The following CHD2 variants were observed in gnomAD, a reference collection of about 807,000 sequenced individuals.
The protein encoded by CHD2 is ATP-dependent chromatin remodeler CHD2.
Under a neutral mutation model 243.9 loss-of-function variants are expected in CHD2, and 28 were observed. The observed-to-expected ratio is 0.11, with a 90% CI of 0.09 to 0.16. CHD2 has a LOEUF of 0.16. CHD2 is among the 10% of genes least tolerant of loss of function. The pLI is 1.00. For missense variants in CHD2, 1,386 were observed against 2,209.8 expected, an observed-to-expected ratio of 0.63 and a Z score of 7.47; for synonymous variants, 775 against 779.0, an observed-to-expected ratio of 0.99 and a Z score of 0.09.
intron 35 of CHD2, among the ~76,000 whole-genome samples, chr15:93,011,945 C>T (rs1351743382): frequency 6.6e-6 from 1 of 152,096 alleles, no homozygotes; most frequent in Non-Finnish European, 1.5e-5. Flanking sequence ...GGACTGGAGT[C>T]TGGGGTGTCA....
In CHD2 at chr15:93,004,751, A is replaced by G; in HGVS notation, c.4413A>G (p.Ile1471Met). Residue 1471 changes from isoleucine (I) to methionine (M), a missense_variant and splice_region_variant, in exon 34 of 39, where the codon ATA (isoleucine) becomes ATG (methionine). Physicochemically the swap from Ile to Met is conservative, Grantham distance 10 (BLOSUM62 1). Coordinates refer to ENST00000394196, the MANE Select transcript of CHD2 (RefSeq NM_001271.4). ...ATCTGGACCAGGAGACATTCAGCAT[A>G]GTAAGTCTTGAAATCGGGGGGTGCC... ...DDDLDQETFS[I>M]CKERMRPVKK... The G allele has an allele frequency of 6.2e-7, 1 of 1,610,702 alleles. No homozygotes were observed. Among genetic ancestry groups the G allele is most frequent in the Non-Finnish European group, 8.5e-7 (1 of 1,178,162 alleles).
chr15:93,013,127 G>A (rs1330506500), intron 36 of CHD2, among the ~76,000 whole-genome samples: 1 of 152,238 alleles, frequency 6.6e-6, no homozygotes, highest in Non-Finnish European at 1.5e-5. Context: ...GAATGGTGCT[G>A]GGGACAGGGA....
chr15:92,934,652 G>A (rs960092727), intron 5 of CHD2, among the ~76,000 whole-genome samples: 2 of 152,182 alleles, frequency 1.3e-5, no homozygotes, highest in African/African-American at 2.4e-5. Flanking sequence ...GTAGGGTTGG[G>A]AAGTAATTTC....
At position 92,953,378 on chromosome 15, in the gene CHD2, T is replaced by G. The variant is rs748660499; in HGVS notation, c.1524T>G (p.Ala508=). ...GCAGAAATAATAGTGTAATCCTTGC[T>G]GATGAAATGGGCCTAGGAAAGACCA... The part of the protein sequence containing the change: ...SWCKNNSVIL[A]DEMGLGKTIQ... Residue 508 remains alanine (A), a synonymous_variant, in exon 14 of 39, where the codon GCT becomes GCG. Coordinates refer to ENST00000394196, the MANE Select transcript of CHD2 (RefSeq NM_001271.4). 2.5e-6 allele frequency: 4 copies of G among 1,614,168 alleles called. No homozygotes were observed. The highest frequency in any genetic ancestry group is 2.2e-5 in the South Asian group (2 of 91,082).
At chr15:92,948,667 AC>A (rs1224499910) in intron 12 of CHD2, among the ~76,000 whole-genome samples, 3 of 152,080 alleles carry the variant, frequency 2.0e-5, no homozygotes, top group Non-Finnish European at 4.4e-5. Flanking sequence ...CCCCATCTCT[AC>A]TAAAAATACA....
At chr15:92,940,497 T>A (rs2141780065) in intron 7 of CHD2, among the ~76,000 whole-genome samples, 1 of 152,002 alleles carries the variant, frequency 6.6e-6, no homozygotes, top group East Asian at 1.9e-4. Flanking sequence ...CAAACACTAG[T>A]AGTTTACTTT....
At chr15:92,932,237 T>A (rs2053182269) in intron 5 of CHD2, among the ~76,000 whole-genome samples, 1 of 151,962 alleles carries the variant, frequency 6.6e-6, no homozygotes, top group South Asian at 2.1e-4. Context: ...TATTTTTCCA[T>A]CTCTACTACA....
chr15:92,940,829 T>C (rs1265287431), intron 7 of CHD2, among the ~76,000 whole-genome samples: 1 of 139,108 alleles, frequency 7.2e-6, no homozygotes, highest in Non-Finnish European at 1.5e-5. Flanking sequence ...ATAAATATTA[T>C]AAATATATAA....
At chr15:93,004,778 G>A (rs748166419) in intron 34 of CHD2, 27 bp downstream of exon 34, 1 of 1,605,718 alleles carries the variant, frequency 6.2e-7, no homozygotes, top group African/African-American at 1.3e-5. Context: ...GGGGGTGCCA[G>A]TGTCTGCAGC....
chr15:93,027,769 C>G lies in CHD2; in HGVS notation c.*3064C>G, dbSNP rs559846908. ...TCCAGGCTGCTTTAGGCCATCTGTGCCCCACTCATCTGGGGACAGATGGTT... is the reference window on the plus strand; with the variant it reads ...TCCAGGCTGCTTTAGGCCATCTGTGGCCCACTCATCTGGGGACAGATGGTT... On this transcript the variant is annotated 3_prime_UTR_variant, in exon 39 of 39. Transcript: ENST00000394196. The G allele has an allele frequency of 6.6e-6, 1 of 152,620 alleles. No individual in the cohort carries two copies. The highest frequency in any genetic ancestry group is 1.9e-4 in the East Asian group (1 of 5,194). The allele number at this position is 152,620 out of a possible 1,614,324, so 9.5% of individuals were successfully genotyped here.
chr15:92,999,083 C>CAAAAAAAAAAAAAAAAA (rs55738843), intron 31 of CHD2, among the ~76,000 whole-genome samples: 5 of 65,528 alleles, frequency 7.6e-5, no homozygotes, highest in Admixed American at 2.1e-4. Context: ...GACTCCGTCT[C>CAAAAAAAAAAAAAAAAA]AAAAAAAAAA....
intron 2 of CHD2, among the ~76,000 whole-genome samples, chr15:92,909,939 C>CGTGTGTGTGTGTGT: frequency 6.7e-6 from 1 of 149,226 alleles, no homozygotes; most frequent in East Asian, 2.0e-4. Flanking sequence ...AAGGGTTTTA[C>CGTGTGTGTGTGTGT]GTGTGTGTGT....
intron 17 of CHD2, among the ~76,000 whole-genome samples, chr15:92,971,386 T>TAC (rs903038877): frequency 2.0e-5 from 3 of 152,132 alleles, no homozygotes; most frequent in African/African-American, 4.8e-5. Context: ...AGCCTTTGTG[T>TAC]ACACACACAC....
In CHD2 at chr15:92,900,668, T is replaced by A; in HGVS notation, c.-228T>A. The A allele has an allele frequency of 2.5e-6, 1 of 398,686 alleles. No homozygotes were observed. 24.7% of individuals were successfully genotyped at this position (398,686 alleles called of 1,614,324 possible). A position where few individuals can be genotyped will look rare whatever the true frequency, so the allele number is the denominator to read the frequency against. On this transcript the variant is annotated 5_prime_UTR_variant, in exon 1 of 39. The change creates a new upstream start codon in the 5' untranslated region. Transcript: ENST00000394196. Reference sequence around the variant, plus strand: ...TTCGGACCTGTTTTAGTATTAATTATTGCTTTATTTTTTTGACCAGTTAAC... The same window carrying A: ...TTCGGACCTGTTTTAGTATTAATTAATGCTTTATTTTTTTGACCAGTTAAC...
chr15:92,980,224 T>C (rs7497595), intron 22 of CHD2, among the ~76,000 whole-genome samples: 10 of 10,266 alleles, frequency 9.7e-4, no homozygotes, highest in Non-Finnish European at 1.0e-3. Flanking sequence ...TTTTTTTTCT[T>C]TTTTTTTTTT....
At chr15:92,911,749 A>G (rs2052739986) in intron 2 of CHD2, among the ~76,000 whole-genome samples, 1 of 152,116 alleles carries the variant, frequency 6.6e-6, no homozygotes, top group Admixed American at 6.5e-5. Context: ...ACCCCTGCCC[A>G]AGAAAAAATC....
Position 92,985,525 on chromosome 15 carries a change from A to G in CHD2, c.3265A>G (p.Thr1089Ala). Residue 1089 changes from threonine to alanine, a missense_variant, in exon 26 of 39, where the codon ACT (threonine) becomes GCT (alanine). Thr to Ala is a moderately conservative substitution (Grantham distance 58). Coordinates refer to ENST00000394196, the MANE Select transcript of CHD2 (RefSeq NM_001271.4). ...TCAGACAAATGACAGTGACTCTGAC[A>G]CTGAGTCTAAGAGGCAGGCCCAGAG... ...KAQTNDSDSD[T>A]ESKRQAQRSS... 6.2e-7 allele frequency: 1 copy of G among 1,613,992 alleles called. No homozygotes were observed. The highest frequency in any genetic ancestry group is 8.5e-7 in the Non-Finnish European group (1 of 1,179,918).
chr15:93,021,296 A>T (rs1161216738), intron 38 of CHD2: 1 of 151,966 alleles, frequency 6.6e-6, no homozygotes, highest in Non-Finnish European at 1.5e-5. Context: ...TCCTCTTTAC[A>T]TAATGTTCCT....
chr15:93,010,227 G>A (rs1161782879), intron 35 of CHD2, among the ~76,000 whole-genome samples: 1 of 152,066 alleles, frequency 6.6e-6, no homozygotes, highest in East Asian at 1.9e-4. Flanking sequence ...ATACTTGTTG[G>A]TTGATGGGCA....
Sources: gnomAD v4.1 joint callset for allele counts (sites outside exome capture counted in the v4.1 genomes callset) on GRCh38, gnomAD v4.1.1 for gene constraint, MANE v1.5 for transcripts, NCBI Gene and HGNC (gene_info 2026-07-23, HGNC 2026-07-21) for gene names.